The following LNPEP variants were observed in gnomAD, a reference collection of about 807,000 sequenced individuals.
LNPEP encodes leucyl and cystinyl aminopeptidase.
In LNPEP, 64 loss-of-function variants were observed where a neutral mutation model predicts 120.6. The ratio of observed to expected loss-of-function variants is 0.53; its 90% CI spans 0.43 to 0.65. The LOEUF is 0.65. Ranked by LOEUF, LNPEP falls within the 30% of genes least tolerant of loss-of-function variation. The pLI is 0.00. For synonymous variants in LNPEP, 435 were observed against 425.4 expected, an observed-to-expected ratio of 1.02 and a Z score of -0.28; for missense variants, 1,057 against 1,200.0, an observed-to-expected ratio of 0.88 and a Z score of 1.76.
chr5:96,972,933 A>G (rs568917637), intron 1 of LNPEP, among the ~76,000 whole-genome samples: 1 of 152,248 alleles, frequency 6.6e-6, no homozygotes, highest in African/African-American at 2.4e-5. Flanking sequence ...TCTTGCTCCA[A>G]TGTCATGACC....
At chr5:96,951,170 A>C (rs1485961751) in intron 1 of LNPEP, among the ~76,000 whole-genome samples, 1 of 150,748 alleles carries the variant, frequency 6.6e-6, no homozygotes, top group East Asian at 1.9e-4. Context: ...TTAGGGCTCT[A>C]CCCTTATGAC....
intron 1 of LNPEP, chr5:96,958,408 T>C (rs1789519948): frequency 3.5e-6 from 3 of 866,248 alleles, no homozygotes; most frequent in Non-Finnish European, 4.2e-6. Flanking sequence ...ACCTAATAGC[T>C]ATACCAAGCA....
intron 4 of LNPEP, among the ~76,000 whole-genome samples, chr5:96,992,259 A>G (rs1277425850): frequency 6.6e-6 from 1 of 152,124 alleles, no homozygotes; most frequent in Non-Finnish European, 1.5e-5. Flanking sequence ...GCAGTGGGAG[A>G]CATGAACCTG....
intron 7 of LNPEP, among the ~76,000 whole-genome samples, chr5:96,997,674 A>T (rs1165638182): frequency 1.3e-5 from 2 of 151,702 alleles, no homozygotes; most frequent in Non-Finnish European, 1.5e-5. Flanking sequence ...AGTTTCATTT[A>T]AAAAAATATA....
chr5:97,005,858 G>A (rs1415857722), intron 9 of LNPEP, among the ~76,000 whole-genome samples: 1 of 152,136 alleles, frequency 6.6e-6, no homozygotes, highest in Middle Eastern at 3.4e-3. Context: ...ACTTAGCTCT[G>A]TTCCAGGTTA....
At position 97,024,548 on chromosome 5, in the gene LNPEP, G is replaced by T; in HGVS notation, c.2589G>T (p.Val863=). Reference sequence around the variant, plus strand: ...TACCTACTGATGTCATGACAACTGTGTTCAAAGTTGGAGCAAAAACTGACA... The same window carrying T: ...TACCTACTGATGTCATGACAACTGTTTTCAAAGTTGGAGCAAAAACTGACA... The part of the protein sequence containing the change: ...QSLPTDVMTT[V]FKVGAKTDKG... Residue 863 remains valine, a synonymous_variant, in exon 15 of 18, where the codon GTG becomes GTT. Coordinates refer to ENST00000231368, the MANE Select transcript of LNPEP (RefSeq NM_005575.3). 6.2e-7 allele frequency: 1 copy of T among 1,614,012 alleles called. No individual in the cohort carries two copies. Among genetic ancestry groups the T allele is most frequent in the Non-Finnish European group, 8.5e-7 (1 of 1,179,922 alleles).
At chr5:96,954,146 T>C (rs1038371368) in intron 1 of LNPEP, among the ~76,000 whole-genome samples, 1 of 152,208 alleles carries the variant, frequency 6.6e-6, no homozygotes, top group African/African-American at 2.4e-5. Flanking sequence ...GTTGAAGTTA[T>C]CAATAACAAC....
rs1168046929 is a variant in LNPEP, at chr5:96,979,373, C to A, written c.255C>A (p.Ser85Arg). 2 of 1,614,076 alleles carry A rather than the reference C, an allele frequency of 1.2e-6. No homozygotes were observed. Among genetic ancestry groups the A allele is most frequent in the Non-Finnish European group, 1.7e-6 (2 of 1,179,962 alleles). The part of the protein sequence containing the change: ...KLLGMSFMNR[S>R]SGLRNSATGY... Reference sequence around the variant, plus strand: ...TGGGCATGTCCTTCATGAATAGAAGCTCAGGCCTTCGGAACAGTGCAACTG... The same window carrying A: ...TGGGCATGTCCTTCATGAATAGAAGATCAGGCCTTCGGAACAGTGCAACTG... Residue 85 changes from serine to arginine, a missense_variant, in exon 2 of 18, where the codon AGC (serine) becomes AGA (arginine). By Grantham distance (110) the Ser-to-Arg change is moderately radical. Coordinates refer to ENST00000231368, the MANE Select transcript of LNPEP (RefSeq NM_005575.3).
chr5:97,020,201 T>G (rs999095407), intron 13 of LNPEP, among the ~76,000 whole-genome samples: 8 of 152,202 alleles, frequency 5.3e-5, no homozygotes, highest in African/African-American at 1.9e-4. Flanking sequence ...CTTAATAGTT[T>G]AAAAATTTCC....
chr5:97,001,873 C>G (rs115837673), intron 8 of LNPEP, among the ~76,000 whole-genome samples: 1 of 152,168 alleles, frequency 6.6e-6, no homozygotes, highest in South Asian at 2.1e-4. Flanking sequence ...GGCATGGTAG[C>G]TCACGCCTGT....
At chr5:96,969,444 T>A (rs1345645197) in intron 1 of LNPEP, among the ~76,000 whole-genome samples, 1 of 152,060 alleles carries the variant, frequency 6.6e-6, no homozygotes, top group Non-Finnish European at 1.5e-5. Context: ...TAATTTTGTG[T>A]TTGCCAGATA....
At chr5:97,003,610 CT>C in intron 9 of LNPEP, 64 bp downstream of exon 9, 1 of 1,195,106 alleles carries the variant, frequency 8.4e-7, no homozygotes, top group Non-Finnish European at 1.2e-6. Context: ...TCTATTTATA[CT>C]TTTTAGCATG....
At chr5:97,017,882 C>A (rs959356965) in intron 13 of LNPEP, among the ~76,000 whole-genome samples, 1 of 152,118 alleles carries the variant, frequency 6.6e-6, no homozygotes, top group Admixed American at 6.6e-5. Context: ...CTGTTCCATT[C>A]CCCTCTCCTA....
chr5:96,985,815 C>G (rs915271398), intron 3 of LNPEP, among the ~76,000 whole-genome samples: 9 of 151,364 alleles, frequency 5.9e-5, no homozygotes, highest in Non-Finnish European at 1.3e-4. Context: ...TAGGAGCCTC[C>G]TGGACCCATG....
chr5:97,021,923 G>GTTTTTTTT lies in LNPEP; in HGVS notation c.2377-358_2377-351dup, dbSNP rs1165456605. 1.2e-3 allele frequency among the ~76,000 whole-genome samples: 69 copies of GTTTTTTTT among 57,200 alleles called. 2 individuals are homozygous for GTTTTTTTT. The highest frequency in any genetic ancestry group is 2.3e-3 in the African/African-American group (30 of 13,078). The allele number at this position is 57,200 out of a possible 152,430, so 37.5% of individuals were successfully genotyped here. A position where few individuals can be genotyped will look rare whatever the true frequency, so the allele number is the denominator to read the frequency against. On this transcript the variant is annotated intron_variant, in intron 13 of 17. Transcript: ENST00000231368. Reference sequence around the variant, plus strand: ...GGGTTTTTTTTGTTTTTTGTCTTTTGTTTTTTTTTTTTTTTTTTTTTTTTT... The same window carrying GTTTTTTTT: ...GGGTTTTTTTTGTTTTTTGTCTTTTGTTTTTTTTTTTTTTTTTTTTTTTTTTTTTTTTT...
At chr5:96,968,578 G>T (rs1789783802) in intron 1 of LNPEP, among the ~76,000 whole-genome samples, 1 of 151,972 alleles carries the variant, frequency 6.6e-6, no homozygotes, top group African/African-American at 2.4e-5. Context: ...ATCTTACTAT[G>T]TATGGCGTAC....
At chr5:97,023,229 G>A (rs1791256310) in intron 14 of LNPEP, among the ~76,000 whole-genome samples, 1 of 151,742 alleles carries the variant, frequency 6.6e-6, no homozygotes, top group African/African-American at 2.4e-5. Context: ...CCATGTTGTA[G>A]CATGCATTAA....
chr5:96,951,638 C>T (rs1165993174), intron 1 of LNPEP, among the ~76,000 whole-genome samples: 1 of 152,146 alleles, frequency 6.6e-6, no homozygotes, highest in African/African-American at 2.4e-5. Flanking sequence ...GGAGTCTTCA[C>T]TTTAGACAGT....
In LNPEP at chr5:97,013,678, G is replaced by A; in HGVS notation, c.2066G>A (p.Trp689Ter). The A allele has an allele frequency of 1.3e-6, 2 of 1,566,560 alleles. No individual in the cohort carries two copies. The highest frequency in any genetic ancestry group is 1.7e-6 in the Non-Finnish European group (2 of 1,156,170). ...ATCAATCTTACAGAAGAAGTGCTGT[G>A]GGTCAAAGTGAATATAAACATGAAT... ...GVINLTEEVLWVKVNINMNGY... is the reference protein window; with the variant it reads ...GVINLTEEVL The change falls in exon 12 of 18, where the codon TGG (tryptophan) becomes TAG (stop). Residue 689 changes from tryptophan to a stop codon, truncating the protein, a stop_gained. Transcript: ENST00000231368. LOFTEE classifies it high-confidence loss of function.
Sources: allele counts gnomAD v4.1 joint callset (sites outside exome capture counted in the v4.1 genomes callset), GRCh38; gene constraint gnomAD v4.1.1; transcripts MANE v1.5; gene names NCBI Gene and HGNC (gene_info 2026-07-23, HGNC 2026-07-21).